The following CNIH3 variants were observed in gnomAD, a reference collection of about 807,000 sequenced individuals.
CNIH3 encodes cornichon family AMPA receptor auxiliary protein 3, also known as protein cornichon homolog 3.
A neutral mutation model predicts 24.1 loss-of-function variants in CNIH3; 14 were observed. The ratio of observed to expected loss-of-function variants is 0.58; its 90% confidence interval spans 0.38 to 0.91. The LOEUF is 0.91. Ranked by LOEUF, CNIH3 falls within the 40% of genes least tolerant of loss-of-function variation. The pLI is 0.00. For synonymous variants in CNIH3, 68 were observed against 73.8 expected, an observed-to-expected ratio of 0.92 and a Z score of 0.40; for missense variants, 178 against 196.8, an observed-to-expected ratio of 0.90 and a Z score of 0.57.
In CNIH3 at chr1:224,616,340, G is replaced by GGCGGCGGCA. The variant is rs1345360958; in HGVS notation, c.-829_-821dup. The GGCGGCGGCA allele has an allele frequency of 6.3e-6, 3 of 473,900 alleles. No homozygotes were observed. The highest frequency in any genetic ancestry group is 5.8e-5 in the Admixed American group (1 of 17,354). The allele number at this position is 473,900 out of a possible 1,614,324, so 29.4% of individuals were successfully genotyped here. ...TCGCAGTGGCAAAGGCGGCGGCGGC[G>GGCGGCGGCA]GCGGCGGCAGCGGCAGCAGCAGGTG... On this transcript the variant is annotated 5_prime_UTR_variant, in exon 1 of 6. Transcript: ENST00000272133.
intron 1 of CNIH3, among the ~76,000 whole-genome samples, chr1:224,467,416 T>C (rs1203246342): frequency 6.6e-6 from 1 of 152,108 alleles, no homozygotes; most frequent in Non-Finnish European, 1.5e-5. Context: ...TTTTCCTGGA[T>C]CATAGTTTTT....
chr1:224,699,380 C>T (rs963889481), intron 3 of CNIH3, among the ~76,000 whole-genome samples: 2 of 152,216 alleles, frequency 1.3e-5, no homozygotes, highest in Non-Finnish European at 2.9e-5. Flanking sequence ...CCTGGCCCTT[C>T]GGCAGCTGAA....
chr1:224,484,428 T>TAAAA (rs546804957), intron 1 of CNIH3, among the ~76,000 whole-genome samples: 4 of 143,572 alleles, frequency 2.8e-5, no homozygotes, highest in Middle Eastern at 3.5e-3. Context: ...AGACTCTGTT[T>TAAAA]AAAAAAAAAA....
intron 2 of CNIH3, among the ~76,000 whole-genome samples, chr1:224,546,347 A>G (rs1311838625): frequency 6.6e-6 from 1 of 152,186 alleles, no homozygotes; most frequent in Admixed American, 6.5e-5. Flanking sequence ...ACAATAGAAC[A>G]CAGTAAGATG....
At chr1:224,506,983 C>G (rs901071145) in intron 1 of CNIH3, among the ~76,000 whole-genome samples, 1 of 152,106 alleles carries the variant, frequency 6.6e-6, no homozygotes, top group African/African-American at 2.4e-5. Flanking sequence ...CCTACCTCAG[C>G]CTTCTGAGTA....
intron 1 of CNIH3, chr1:224,435,653 CCA>C: frequency 6.6e-6 from 1 of 152,182 alleles, no homozygotes; most frequent in East Asian, 1.9e-4. Flanking sequence ...ATTCAGGCAC[CCA>C]TTCAGATCCA....
intron 1 of CNIH3, among the ~76,000 whole-genome samples, chr1:224,486,174 C>T (rs6687735): frequency 0.075 from 11,402 of 152,114 alleles, 1,389 homozygotes; most frequent in African/African-American, 0.25. Flanking sequence ...GGTGTGATCA[C>T]GGCTTACTGC....
chr1:224,501,527 T>TATA (rs1558111650), intron 1 of CNIH3, among the ~76,000 whole-genome samples: 44 of 96,494 alleles, frequency 4.6e-4, no homozygotes, highest in African/African-American at 1.3e-3. Flanking sequence ...ATATATATAT[T>TATA]TTTTTTTTTT....
chr1:224,730,995 C>T (rs1188761743), intron 4 of CNIH3, among the ~76,000 whole-genome samples: 1 of 152,118 alleles, frequency 6.6e-6, no homozygotes, highest in African/African-American at 2.4e-5. Flanking sequence ...TGAAAAAAGC[C>T]AGACACAAAA....
chr1:224,517,304 G>T (rs1313812964), intron 1 of CNIH3, among the ~76,000 whole-genome samples: 3 of 151,994 alleles, frequency 2.0e-5, no homozygotes, highest in Non-Finnish European at 2.9e-5. Context: ...ATTTAACGGA[G>T]CCATTTCATA....
intron 1 of CNIH3, among the ~76,000 whole-genome samples, chr1:224,460,614 A>C (rs1373797251): frequency 1.3e-5 from 2 of 152,174 alleles, no homozygotes. Context: ...ACATCTGTAC[A>C]GTTTGTTTAA....
intron 2 of CNIH3, among the ~76,000 whole-genome samples, chr1:224,544,058 C>A (rs1176003815): frequency 2.6e-5 from 4 of 152,076 alleles, no homozygotes; most frequent in Non-Finnish European, 5.9e-5. Flanking sequence ...GGCTCTTTGG[C>A]TGTTAAGAGA....
At chr1:224,724,731 A>C (rs1011496391) in intron 3 of CNIH3, among the ~76,000 whole-genome samples, 21 of 152,164 alleles carry the variant, frequency 1.4e-4, no homozygotes, top group Admixed American at 6.5e-4. Flanking sequence ...CAGGCTGTTG[A>C]AACAGCCCTT....
At chr1:224,480,978 C>T (rs982470555) in intron 1 of CNIH3, among the ~76,000 whole-genome samples, 1 of 152,226 alleles carries the variant, frequency 6.6e-6, no homozygotes, top group African/African-American at 2.4e-5. Flanking sequence ...TTTCATGCTG[C>T]TGATAAAGAC....
chr1:224,728,799 G>A (rs976125108), intron 3 of CNIH3, among the ~76,000 whole-genome samples: 9 of 152,200 alleles, frequency 5.9e-5, no homozygotes, highest in Admixed American at 1.3e-4. Context: ...ATGCCAGCCA[G>A]CCATGTTGTA....
chr1:224,494,090 G>T lies in CNIH3; in HGVS notation n.204-21651G>T, dbSNP rs181791465. On this transcript the variant is annotated intron_variant and non_coding_transcript_variant, in intron 1 of 5. Transcript: ENST00000471578. ...TCTTTTAGCCTTAAAAGCCACCAGG[G>T]TCGATTTTTAAATATGTCTTATCAC... Among the ~76,000 whole-genome samples the T allele has an allele frequency of 3.7e-3, 568 of 152,240 alleles. 5 individuals are homozygous for T. The highest frequency in any genetic ancestry group is 0.013 in the African/African-American group (526 of 41,530).
chr1:224,534,292 A>G (rs1283973833), intron 2 of CNIH3, among the ~76,000 whole-genome samples: 1 of 152,244 alleles, frequency 6.6e-6, no homozygotes, highest in African/African-American at 2.4e-5. Flanking sequence ...GTGATTGGAT[A>G]TGAAGAGTGT....
At chr1:224,712,869 T>G (rs1421714384) in intron 3 of CNIH3, among the ~76,000 whole-genome samples, 1 of 152,218 alleles carries the variant, frequency 6.6e-6, no homozygotes, top group Admixed American at 6.5e-5. Flanking sequence ...ATAGAATGTT[T>G]CAGCTCTTCC....
At chr1:224,707,111 G>GT (rs1162224091) in intron 3 of CNIH3, among the ~76,000 whole-genome samples, 1 of 151,546 alleles carries the variant, frequency 6.6e-6, no homozygotes, top group African/African-American at 2.4e-5. Flanking sequence ...CCACAGGTGT[G>GT]TGCCACCACA....
Sources: allele counts gnomAD v4.1 joint callset (sites outside exome capture counted in the v4.1 genomes callset), GRCh38; gene constraint gnomAD v4.1.1; transcripts MANE v1.5; gene names NCBI Gene and HGNC (gene_info 2026-07-23, HGNC 2026-07-21).